SLC38A4: variants seen among roughly 807,000 people sequenced by gnomAD.
The protein encoded by SLC38A4 is sodium-coupled neutral amino acid transporter 4.
Under a neutral mutation model 63.1 loss-of-function variants are expected in SLC38A4, and 20 were observed. That is an observed-to-expected ratio of 0.32 (90% confidence interval 0.22 to 0.46). The LOEUF is 0.46. Among genes scored for constraint, SLC38A4 ranks in the 20% least tolerant of loss-of-function variants. The pLI is 1.00. For synonymous variants in SLC38A4, 230 were observed against 225.5 expected (o/e 1.02, Z -0.18); for missense variants, 526 against 663.6 (o/e 0.79, Z 2.28).
chr12:46,809,785 G>A (rs1346233201), intron 1 of SLC38A4, among the ~76,000 whole-genome samples: 2 of 151,976 alleles, frequency 1.3e-5, no homozygotes, highest in African/African-American at 4.8e-5. Flanking sequence ...AGCAGCAGAG[G>A]GCAGACTTTG....
intron 1 of SLC38A4, among the ~76,000 whole-genome samples, chr12:46,817,606 T>C (rs940058412): frequency 6.6e-6 from 1 of 151,668 alleles, no homozygotes; most frequent in African/African-American, 2.4e-5. Flanking sequence ...TCTAAGGCCT[T>C]ACCTGAAGCC....
chr12:46,825,459 T>G (rs1939629969), intron 1 of SLC38A4, among the ~76,000 whole-genome samples: 1 of 152,134 alleles, frequency 6.6e-6, no homozygotes. Flanking sequence ...CTTCAAAAGA[T>G]AAGAAGGAAT....
intron 14 of SLC38A4, 100 bp from the exon 15 acceptor site, chr12:46,769,528 C>T (rs1042305665): frequency 4.4e-5 from 57 of 1,298,262 alleles, no homozygotes; most frequent in South Asian, 9.1e-5. Context: ...CTTTCCTTTT[C>T]TTTTTTCCCA....
upstream of SLC38A4, among the ~76,000 whole-genome samples, chr12:46,828,336 G>A (rs1939687248): frequency 6.6e-6 from 1 of 151,932 alleles, no homozygotes; most frequent in South Asian, 2.1e-4. Context: ...TTGGTTGTTT[G>A]TTTGAGATGG....
At chr12:46,816,077 AAC>A (rs1245617530) in intron 1 of SLC38A4, among the ~76,000 whole-genome samples, 1 of 152,004 alleles carries the variant, frequency 6.6e-6, no homozygotes, top group Non-Finnish European at 1.5e-5. Flanking sequence ...CAATGTCTGC[AAC>A]ACAAAGAGTA....
At chr12:46,775,441 G>A (rs973716156) in intron 13 of SLC38A4, among the ~76,000 whole-genome samples, 6 of 151,946 alleles carry the variant, frequency 3.9e-5, no homozygotes, top group African/African-American at 7.2e-5. Context: ...ATCTATCTCC[G>A]CTGTACAGAA....
chr12:46,799,814 C>G (rs1226906520), intron 2 of SLC38A4, among the ~76,000 whole-genome samples: 1 of 152,082 alleles, frequency 6.6e-6, no homozygotes, highest in Admixed American at 6.6e-5. Flanking sequence ...AGCCTTTAGA[C>G]TATATCATAA....
chr12:46,794,608 T>C (rs774193139), intron 2 of SLC38A4, among the ~76,000 whole-genome samples: 8 of 151,582 alleles, frequency 5.3e-5, no homozygotes, highest in Non-Finnish European at 8.8e-5. Context: ...GGAAGACTTA[T>C]AAAATTGAAA....
Position 46,766,651 on chromosome 12 carries a change from G to T in SLC38A4, c.*50C>A. 8.7e-7 allele frequency: 1 copy of T among 1,153,154 alleles called. No individual in the cohort carries two copies. Among genetic ancestry groups the T allele is most frequent in the Non-Finnish European group, 1.3e-6 (1 of 771,968 alleles). 71.4% of individuals were successfully genotyped at this position (1,153,154 alleles called of 1,614,324 possible). A position where few individuals can be genotyped will look rare whatever the true frequency, so the allele number is the denominator to read the frequency against. On this transcript the variant is annotated 3_prime_UTR_variant, in exon 17 of 17. Transcript: ENST00000266579. ...CAAGATAATTCAAATATCTTTTGGA[G>T]TATAACTTGTAACCATTTCCAATAG...
intron 1 of SLC38A4, among the ~76,000 whole-genome samples, chr12:46,831,829 C>T (rs1437702663): frequency 6.7e-6 from 1 of 148,908 alleles, no homozygotes; most frequent in Non-Finnish European, 1.5e-5. Context: ...GGAGCCAGCT[C>T]CCGCGGGGGA....
chr12:46,830,390 C>T (rs572485066), upstream of SLC38A4, among the ~76,000 whole-genome samples: 135 of 151,996 alleles, frequency 8.9e-4, no homozygotes, highest in African/African-American at 3.1e-3. Flanking sequence ...AGGAGACTTG[C>T]TTGTAGTGGG....
intron 5 of SLC38A4, among the ~76,000 whole-genome samples, chr12:46,785,621 C>A (rs1938742237): frequency 6.6e-6 from 1 of 151,822 alleles, no homozygotes; most frequent in Non-Finnish European, 1.5e-5. Flanking sequence ...GCAGTCTGAG[C>A]TGCATTACTG....
At chr12:46,831,681 G>C (rs1939733336) in intron 1 of SLC38A4, among the ~76,000 whole-genome samples, 1 of 152,242 alleles carries the variant, frequency 6.6e-6, no homozygotes. Context: ...GGGGAATCAT[G>C]CTGGTCTCTG....
Position 46,766,709 on chromosome 12 carries a change from G to T in SLC38A4, c.1636C>A (p.His546Asn). 1.2e-6 allele frequency: 2 copies of T among 1,604,100 alleles called. No homozygotes were observed. The highest frequency in any genetic ancestry group is 1.7e-6 in the Non-Finnish European group (2 of 1,171,898). Residue 546 changes from histidine to asparagine, a missense_variant, in exon 17 of 17, where the codon CAT becomes AAT. By Grantham distance (68) the His-to-Asn change is moderately conservative. Coordinates refer to ENST00000266579, the MANE Select transcript of SLC38A4 (RefSeq NM_018018.5). ...DWIYDPPNSK[H>N]H ...AAGTATTTTTCCTTGTGTTAGTGAT[G>T]CTTGGAATTTGGAGGATCATAAATC...
chr12:46,816,752 T>C (rs970583961), intron 1 of SLC38A4, among the ~76,000 whole-genome samples: 1 of 151,950 alleles, frequency 6.6e-6, no homozygotes, highest in Non-Finnish European at 1.5e-5. Flanking sequence ...TTCACATGGC[T>C]ACTGAACGGT....
Position 46,784,460 on chromosome 12 carries a change from C to T in SLC38A4, c.493+82G>A, listed in dbSNP as rs542627649. ...AGCAATTTTTCTGTATCTAAAGTGC[C>T]TGTTTATTGCCATAAGTTTTCTTAT... On this transcript the variant is annotated intron_variant, in intron 7 of 16. Transcript: ENST00000266579. 3.2e-5 allele frequency: 33 copies of T among 1,017,952 alleles called. No homozygotes were observed. In the African/African-American group the frequency reaches 5.2e-4, roughly 16 times the overall value. The allele number at this position is 1,017,952 out of a possible 1,614,324, so 63.1% of individuals were successfully genotyped here.
At chr12:46,767,349 A>G (rs1227155650) in intron 16 of SLC38A4, among the ~76,000 whole-genome samples, 1 of 152,064 alleles carries the variant, frequency 6.6e-6, no homozygotes, top group Non-Finnish European at 1.5e-5. Context: ...GAGGCCTTAC[A>G]TTTTATCACA....
chr12:46,800,851 C>A (rs931611959), intron 2 of SLC38A4, among the ~76,000 whole-genome samples: 16 of 152,064 alleles, frequency 1.1e-4, no homozygotes, highest in Admixed American at 9.8e-4. Context: ...TAGAGGTATG[C>A]TTTTTGATTA....
intron 16 of SLC38A4, among the ~76,000 whole-genome samples, chr12:46,767,977 A>G (rs1050836443): frequency 2.0e-5 from 3 of 152,064 alleles, no homozygotes; most frequent in Non-Finnish European, 4.4e-5. Flanking sequence ...ACCGCTAGGG[A>G]GCCTAATTCC....
Sources: allele counts gnomAD v4.1 joint callset (sites outside exome capture counted in the v4.1 genomes callset), GRCh38; gene constraint gnomAD v4.1.1; transcripts MANE v1.5; gene names NCBI Gene and HGNC (gene_info 2026-07-23, HGNC 2026-07-21).